GIPC2: variants seen among roughly 807,000 people sequenced by gnomAD.
GIPC2 encodes the protein PDZ domain-containing protein GIPC2.
In GIPC2, 30 loss-of-function variants were observed where a neutral mutation model predicts 30.6. That is an observed-to-expected ratio of 0.98 (90% CI 0.73 to 1.33). The LOEUF (loss-of-function observed/expected upper bound fraction) is 1.33, where lower values mean the gene tolerates loss of function less well. Ranked by LOEUF, GIPC2 falls within the 40% of genes most tolerant of loss-of-function variation. The probability of loss-of-function intolerance (pLI) is 0.00; values close to 1 mark genes in which losing one functional copy is unlikely to be tolerated. For synonymous variants in GIPC2, 167 were observed against 150.0 expected, an observed-to-expected ratio of 1.11 and a Z score of -0.83; for missense variants, 414 against 390.3, an observed-to-expected ratio of 1.06 and a Z score of -0.51.
chr1:78,100,742 C>T (rs1275233864), intron 3 of GIPC2, among the ~76,000 whole-genome samples: 1 of 151,810 alleles, frequency 6.6e-6, no homozygotes, highest in Admixed American at 6.6e-5. Context: ...CCAGCCTGGC[C>T]AATGTGGTGA....
intron 3 of GIPC2, among the ~76,000 whole-genome samples, chr1:78,106,440 G>A (rs1467186833): frequency 7.3e-5 from 11 of 150,576 alleles, no homozygotes; most frequent in Non-Finnish European, 1.2e-4. Flanking sequence ...GGCGCCTGTA[G>A]TCCCAGCTAC....
intron 1 of GIPC2, among the ~76,000 whole-genome samples, chr1:78,049,997 A>G (rs1661166836): frequency 6.7e-6 from 1 of 149,144 alleles, no homozygotes; most frequent in Non-Finnish European, 1.5e-5. Context: ...TCTGTGTTCA[A>G]GTGATCCTCC....
At chr1:78,115,050 A>G (rs768231575) in intron 3 of GIPC2, among the ~76,000 whole-genome samples, 8 of 152,352 alleles carry the variant, frequency 5.3e-5, no homozygotes, top group Non-Finnish European at 1.0e-4. Flanking sequence ...AGAGCAAGAT[A>G]AGATAGAAAC....
At chr1:78,049,687 G>A (rs1339323568) in intron 1 of GIPC2, among the ~76,000 whole-genome samples, 1 of 152,168 alleles carries the variant, frequency 6.6e-6, no homozygotes, top group Non-Finnish European at 1.5e-5. Flanking sequence ...TGCTAGGCCT[G>A]TAAGCCTACA....
At chr1:78,091,385 T>C (rs1277412596) in intron 2 of GIPC2, 2 of 516,648 alleles carry the variant, frequency 3.9e-6, no homozygotes, top group African/African-American at 3.8e-5. Context: ...AGTCTGGTGC[T>C]TAAGATTTTA....
At chr1:78,077,101 C>T (rs1661730973) in intron 1 of GIPC2, among the ~76,000 whole-genome samples, 1 of 152,014 alleles carries the variant, frequency 6.6e-6, no homozygotes, top group African/African-American at 2.4e-5. Context: ...GATTCTAAAG[C>T]TGAACTGCCC....
intron 1 of GIPC2, among the ~76,000 whole-genome samples, chr1:78,078,359 C>A (rs1571491764): frequency 6.6e-6 from 1 of 152,256 alleles, no homozygotes; most frequent in East Asian, 1.9e-4. Flanking sequence ...CCGTGAAGAA[C>A]TGATCTGAAG....
chr1:78,125,083 G>A (rs963631883), intron 4 of GIPC2, among the ~76,000 whole-genome samples: 48 of 152,216 alleles, frequency 3.2e-4, no homozygotes, highest in African/African-American at 1.1e-3. Context: ...CGGGTTGGAG[G>A]GCAGTGGCAG....
intron 3 of GIPC2, among the ~76,000 whole-genome samples, chr1:78,105,592 G>A (rs879713323): frequency 9.2e-5 from 14 of 151,910 alleles, no homozygotes; most frequent in Non-Finnish European, 1.8e-4. Flanking sequence ...GACCAGAACC[G>A]TAATGTTTTT....
Position 78,045,969 on chromosome 1 carries a change from C to A in GIPC2, c.-126C>A, listed in dbSNP as rs1661058866. The A allele has an allele frequency of 1.3e-5, 18 of 1,376,004 alleles. No homozygotes were observed. Among genetic ancestry groups the A allele is most frequent in the Admixed American group, 3.9e-5 (1 of 25,476 alleles). The allele number at this position is 1,376,004 out of a possible 1,614,324, so 85.2% of individuals were successfully genotyped here. ...GGGGCCCTGACCCGACGCAGCCAGG[C>A]GGAAGCGCGGCTGCCATTGGAGGCT... On this transcript the variant is annotated 5_prime_UTR_variant, in exon 1 of 6. Coordinates refer to ENST00000370759, the MANE Select transcript of GIPC2 (RefSeq NM_017655.6).
chr1:78,113,182 C>T (rs1662502979), intron 3 of GIPC2, among the ~76,000 whole-genome samples: 1 of 152,020 alleles, frequency 6.6e-6, no homozygotes, highest in South Asian at 2.1e-4. Context: ...CTTATGTAAT[C>T]ACAACCTTAA....
At chr1:78,081,993 A>C (rs972870742) in intron 2 of GIPC2, among the ~76,000 whole-genome samples, 1 of 152,208 alleles carries the variant, frequency 6.6e-6, no homozygotes, top group Non-Finnish European at 1.5e-5. Flanking sequence ...CTTCCCAGTC[A>C]ATAATCTTTC....
intron 4 of GIPC2, among the ~76,000 whole-genome samples, chr1:78,122,520 C>T (rs562696386): frequency 1.3e-5 from 2 of 152,312 alleles, no homozygotes; most frequent in South Asian, 2.1e-4. Flanking sequence ...AAGCAAGGCA[C>T]GTCTTACATG....
intron 5 of GIPC2, among the ~76,000 whole-genome samples, chr1:78,132,535 A>G (rs1662918462): frequency 6.6e-6 from 1 of 152,314 alleles, no homozygotes. Context: ...AGACATTGCA[A>G]GTCAGTGCAG....
At chr1:78,082,003 C>G (rs1661838534) in intron 2 of GIPC2, among the ~76,000 whole-genome samples, 1 of 152,156 alleles carries the variant, frequency 6.6e-6, no homozygotes, top group South Asian at 2.1e-4. Flanking sequence ...AATAATCTTT[C>G]CCCGCAAAGT....
At chr1:78,065,718 A>G (rs1268908949) in intron 1 of GIPC2, among the ~76,000 whole-genome samples, 1 of 152,204 alleles carries the variant, frequency 6.6e-6, no homozygotes, top group Non-Finnish European at 1.5e-5. Flanking sequence ...CCAATGGAAC[A>G]AAAAAGAGAA....
intron 1 of GIPC2, among the ~76,000 whole-genome samples, chr1:78,057,945 T>TTATACCCACATTTCTTGC (rs1458052242): frequency 6.6e-6 from 1 of 152,226 alleles, no homozygotes; most frequent in East Asian, 1.9e-4. Flanking sequence ...GGTTTTCTTT[T>TTATACCCACATTTCTTGC]TATACCCACA....
intron 3 of GIPC2, among the ~76,000 whole-genome samples, chr1:78,115,060 C>A (rs1406876502): frequency 6.6e-6 from 1 of 152,184 alleles, no homozygotes; most frequent in Non-Finnish European, 1.5e-5. Context: ...AAGATAGAAA[C>A]GTCATGTAGA....
intron 1 of GIPC2, among the ~76,000 whole-genome samples, chr1:78,069,607 G>A (rs1661580779): frequency 6.6e-6 from 1 of 151,402 alleles, no homozygotes; most frequent in Admixed American, 6.6e-5. Flanking sequence ...CTGAGTAGCT[G>A]GGATTACAGG....
Sources: gnomAD v4.1 joint callset for allele counts (sites outside exome capture counted in the v4.1 genomes callset) on GRCh38, gnomAD v4.1.1 for gene constraint, MANE v1.5 for transcripts, NCBI Gene and HGNC (gene_info 2026-07-23, HGNC 2026-07-21) for gene names.